CTNND2: variants seen among roughly 807,000 people sequenced by gnomAD.
The protein encoded by CTNND2 is catenin delta 2.
Under a neutral mutation model 144.4 loss-of-function variants are expected in CTNND2, and 22 were observed. The observed-to-expected ratio is 0.15, with a 90% CI of 0.11 to 0.22. The LOEUF (loss-of-function observed/expected upper bound fraction) is 0.22. CTNND2 is among the 10% of genes least tolerant of loss of function. The pLI, the probability that CTNND2 is intolerant of heterozygous loss-of-function variation, is 1.00. For missense variants in CTNND2, 1,353 were observed against 1,618.8 expected (o/e 0.84, Z 2.82); for synonymous variants, 751 against 695.6 (o/e 1.08, Z -1.25).
chr5:11,391,032 G>T (rs986783548), intron 6 of CTNND2, among the ~76,000 whole-genome samples: 5 of 152,096 alleles, frequency 3.3e-5, no homozygotes, highest in Non-Finnish European at 5.9e-5. Flanking sequence ...GCCACGGACT[G>T]GGGGAGGAAG....
At chr5:11,592,244 CTGCCTGCT>C (rs1432906926) in intron 2 of CTNND2, among the ~76,000 whole-genome samples, 423 of 11,380 alleles carry the variant, frequency 0.037, 1 homozygote, top group Non-Finnish European at 0.075. Flanking sequence ...GCCTGCCTTC[CTGCCTGCT>C]TGCCTTCCTG....
At chr5:11,186,362 A>G (rs1282870454) in intron 11 of CTNND2, among the ~76,000 whole-genome samples, 1 of 152,226 alleles carries the variant, frequency 6.6e-6, no homozygotes, top group African/African-American at 2.4e-5. Flanking sequence ...CATCAGTAAC[A>G]GTTGCTTACT....
At chr5:11,658,587 T>G (rs1182530859) in intron 2 of CTNND2, among the ~76,000 whole-genome samples, 1 of 151,920 alleles carries the variant, frequency 6.6e-6, no homozygotes, top group South Asian at 2.1e-4. Context: ...CTCACTAAAC[T>G]GAAAAAAACT....
chr5:11,887,696 T>A, intron 1 of CTNND2, among the ~76,000 whole-genome samples: 1 of 152,198 alleles, frequency 6.6e-6, no homozygotes, highest in Non-Finnish European at 1.5e-5. Flanking sequence ...TAATTTTCCC[T>A]AAAGTTCTTT....
chr5:11,693,112 T>C (rs899006998), intron 2 of CTNND2, among the ~76,000 whole-genome samples: 5 of 152,222 alleles, frequency 3.3e-5, no homozygotes, highest in African/African-American at 1.2e-4. Flanking sequence ...TGTCAAACTT[T>C]GGAGTAATTT....
intron 3 of CTNND2, among the ~76,000 whole-genome samples, chr5:11,531,861 T>A (rs1049301273): frequency 6.6e-6 from 1 of 152,202 alleles, no homozygotes; most frequent in African/African-American, 2.4e-5. Context: ...ACATTACAAT[T>A]AATACCACAT....
intron 9 of CTNND2, among the ~76,000 whole-genome samples, chr5:11,297,274 G>A (rs1025098421): frequency 6.6e-6 from 1 of 152,104 alleles, no homozygotes; most frequent in Non-Finnish European, 1.5e-5. Context: ...GTAGAGTTTT[G>A]GTATAGTATC....
chr5:10,989,619 GTCTGT>G (rs1456040752), intron 19 of CTNND2, among the ~76,000 whole-genome samples: 1 of 152,084 alleles, frequency 6.6e-6, no homozygotes. Flanking sequence ...TGCTCCTTGG[GTCTGT>G]GGTCCCCCAA....
At chr5:11,523,105 T>C (rs1174392571) in intron 3 of CTNND2, among the ~76,000 whole-genome samples, 1 of 152,208 alleles carries the variant, frequency 6.6e-6, no homozygotes, top group African/African-American at 2.4e-5. Context: ...GATACTAATT[T>C]CACACTTAAT....
At chr5:11,281,609 C>T (rs1008913597) in intron 9 of CTNND2, among the ~76,000 whole-genome samples, 1 of 152,202 alleles carries the variant, frequency 6.6e-6, no homozygotes, top group African/African-American at 2.4e-5. Flanking sequence ...GATTTGTTTC[C>T]TCACATTTCT....
chr5:11,130,004 C>G (rs1225398557), intron 12 of CTNND2, among the ~76,000 whole-genome samples: 1 of 151,914 alleles, frequency 6.6e-6, no homozygotes, highest in Admixed American at 6.6e-5. Flanking sequence ...CAGAATAATT[C>G]CCAAAAAAAC....
In CTNND2 at chr5:10,985,101, A is replaced by C. The variant is rs182527185; in HGVS notation, c.3343+3010T>G. ...AAATAAATAAATAAATAAATAAATA[A>C]ATAAATAAATACATAAATAAATGGC... On this transcript the variant is annotated intron_variant, in intron 20 of 21. Transcript: ENST00000304623. 2.7e-4 allele frequency among the ~76,000 whole-genome samples: 41 copies of C among 151,322 alleles called. 1 individual carries two copies. The East Asian group carries it at 4.1e-3, about 15-fold the overall frequency.
chr5:10,995,981 G>A (rs972590506), intron 18 of CTNND2, among the ~76,000 whole-genome samples: 1 of 152,210 alleles, frequency 6.6e-6, no homozygotes, highest in Non-Finnish European at 1.5e-5. Flanking sequence ...AGAGAGAAAG[G>A]GAAGGGAGGA....
At chr5:11,098,970 G>A (rs933885786) in intron 14 of CTNND2, among the ~76,000 whole-genome samples, 2 of 151,758 alleles carry the variant, frequency 1.3e-5, no homozygotes, top group Non-Finnish European at 2.9e-5. Context: ...GTGGGTTGGT[G>A]TATGCACGCA....
chr5:11,485,114 T>G (rs1768673855), intron 3 of CTNND2, among the ~76,000 whole-genome samples: 1 of 152,154 alleles, frequency 6.6e-6, no homozygotes, highest in African/African-American at 2.4e-5. Context: ...GCAAAAAATG[T>G]ACAACATCAT....
intron 3 of CTNND2, among the ~76,000 whole-genome samples, chr5:11,487,023 T>A (rs1164091295): frequency 6.6e-6 from 1 of 152,170 alleles, no homozygotes; most frequent in Non-Finnish European, 1.5e-5. Context: ...TAAAATGATG[T>A]TTTACCTGGT....
At chr5:11,495,261 A>G (rs1489513667) in intron 3 of CTNND2, among the ~76,000 whole-genome samples, 1 of 152,170 alleles carries the variant, frequency 6.6e-6, no homozygotes, top group Non-Finnish European at 1.5e-5. Flanking sequence ...AAATATGTGG[A>G]ATGAATAGAA....
intron 3 of CTNND2, among the ~76,000 whole-genome samples, chr5:11,422,705 G>A (rs1433610339): frequency 6.6e-6 from 1 of 152,142 alleles, no homozygotes; most frequent in Non-Finnish European, 1.5e-5. Context: ...CAGCCACAAA[G>A]AATTAGCCAG....
At position 11,182,881 on chromosome 5, in the gene CTNND2, T is replaced by C. The variant is rs145963199; in HGVS notation, c.1975+16567A>G. On this transcript the variant is annotated intron_variant, in intron 11 of 21. Transcript: ENST00000304623. ...GGCAAGCAGCTTTAGGAAAGCTACC[T>C]AGAGATGGTGAGGGAGCCCCCTGGA... Among the ~76,000 whole-genome samples the C allele has an allele frequency of 4.5e-3, 681 of 152,300 alleles. 8 individuals are homozygous for C. The highest frequency in any genetic ancestry group is 0.015 in the African/African-American group (643 of 41,574).
Sources: gnomAD v4.1 joint callset for allele counts (sites outside exome capture counted in the v4.1 genomes callset) on GRCh38, gnomAD v4.1.1 for gene constraint, MANE v1.5 for transcripts, NCBI Gene and HGNC (gene_info 2026-07-23, HGNC 2026-07-21) for gene names.